Variants in RIN2 observed in about 807,000 individuals in gnomAD.
RIN2 encodes the protein RAB5 interacting protein 2.
Under a neutral mutation model 78.0 loss-of-function variants are expected in RIN2, and 36 were observed. The observed-to-expected ratio is 0.46, with a 90% confidence interval of 0.35 to 0.61. The LOEUF (loss-of-function observed/expected upper bound fraction) is 0.61. Ranked by LOEUF, RIN2 falls within the 20% of genes least tolerant of loss-of-function variation. The pLI is 0.00. For synonymous variants in RIN2, 466 were observed against 466.8 expected (o/e 1.00, Z 0.02); for missense variants, 1,087 against 1,159.7 (o/e 0.94, Z 0.91).
chr20:19,957,663 C>T (rs1418965071), intron 5 of RIN2, among the ~76,000 whole-genome samples: 5 of 149,648 alleles, frequency 3.3e-5, no homozygotes, highest in African/African-American at 1.2e-4. Flanking sequence ...GGCGACAGAG[C>T]AAGAATCTGT....
intron 2 of RIN2, among the ~76,000 whole-genome samples, chr20:19,841,503 T>C (rs1418174522): frequency 6.6e-6 from 1 of 152,138 alleles, no homozygotes; most frequent in African/African-American, 2.4e-5. Flanking sequence ...GTCTCCTCTT[T>C]CCCTGCTATA....
At chr20:19,837,731 C>A (rs963178665) in intron 2 of RIN2, among the ~76,000 whole-genome samples, 21 of 87,330 alleles carry the variant, frequency 2.4e-4, no homozygotes, top group Non-Finnish European at 1.1e-4. Flanking sequence ...CCTTTTTCTC[C>A]TTGATTCTTT....
At chr20:19,811,186 G>A (rs979837886) in intron 2 of RIN2, among the ~76,000 whole-genome samples, 8 of 152,188 alleles carry the variant, frequency 5.3e-5, no homozygotes, top group African/African-American at 1.9e-4. Flanking sequence ...AGTGATTCCA[G>A]AAGGATGGAG....
At chr20:19,905,086 C>T (rs756077484) in intron 3 of RIN2, among the ~76,000 whole-genome samples, 6 of 152,154 alleles carry the variant, frequency 3.9e-5, no homozygotes, top group Non-Finnish European at 7.4e-5. Flanking sequence ...TACTCTGTCC[C>T]GTTCCCACTT....
At chr20:19,948,662 TAAAA>T (rs1472321456) in intron 4 of RIN2, among the ~76,000 whole-genome samples, 2 of 152,116 alleles carry the variant, frequency 1.3e-5, no homozygotes, top group African/African-American at 4.8e-5. Flanking sequence ...CTTTTGTTCT[TAAAA>T]AAAATCAGGC....
Position 19,910,570 on chromosome 20 carries a change from C to CT in RIN2, c.57+20928dup, listed in dbSNP as rs11476687. 5.0e-3 allele frequency among the ~76,000 whole-genome samples: 640 copies of CT among 128,076 alleles called. 4 individuals carry two copies. Among genetic ancestry groups the CT allele is most frequent in the African/African-American group, 7.6e-3 (252 of 32,944 alleles). The allele number at this position is 128,076 out of a possible 152,430, so 84.0% of individuals were successfully genotyped here. A position where few individuals can be genotyped will look rare whatever the true frequency, so the allele number is the denominator to read the frequency against. On this transcript the variant is annotated intron_variant, in intron 3 of 12. Transcript: ENST00000255006. ...TTTTTTCTCTGTGAGAGGAAGTGAA[C>CT]TTTTTTTTTTTTTTTTGAGATGGAG...
chr20:19,935,159 G>A lies in RIN2; in HGVS notation c.118G>A (p.Val40Ile), dbSNP rs561049479. The change falls in exon 4 of 13, where the codon GTC becomes ATC. Residue 40 changes from valine (V) to isoleucine (I), a missense_variant. Physicochemically the swap from Val to Ile is conservative, Grantham distance 29 (BLOSUM62 3). Transcript: ENST00000255006. ...ELKQEMVRTD[V>I]NLENGLEPAE... Reference sequence around the variant, plus strand: ...GAAACAGGAGATGGTGCGGACAGATGTCAACCTGGAAAATGGCCTGGAACC... The same window carrying A: ...GAAACAGGAGATGGTGCGGACAGATATCAACCTGGAAAATGGCCTGGAACC... 6.2e-7 allele frequency: 1 copy of A among 1,604,706 alleles called. No homozygotes were observed. The highest frequency in any genetic ancestry group is 2.2e-5 in the East Asian group (1 of 44,470).
chr20:19,810,784 C>G (rs1267000423), intron 2 of RIN2, among the ~76,000 whole-genome samples: 4 of 147,636 alleles, frequency 2.7e-5, no homozygotes, highest in Admixed American at 6.8e-5. Flanking sequence ...AGCTCTGCCT[C>G]CCGGGTTCAC....
intron 1 of RIN2, among the ~76,000 whole-genome samples, chr20:19,779,283 A>T (rs1408373134): frequency 6.6e-6 from 1 of 151,844 alleles, no homozygotes; most frequent in Admixed American, 6.6e-5. Context: ...GATACCAGGC[A>T]TTCAAAGCAC....
intron 1 of RIN2, among the ~76,000 whole-genome samples, chr20:19,780,392 G>C (rs1292894069): frequency 6.6e-6 from 1 of 152,140 alleles, no homozygotes; most frequent in African/African-American, 2.4e-5. Flanking sequence ...CCCATTCTCT[G>C]CTCAGATGTC....
chr20:19,810,276 T>C (rs959150682), intron 2 of RIN2, among the ~76,000 whole-genome samples: 1 of 147,794 alleles, frequency 6.8e-6, no homozygotes, highest in Admixed American at 6.7e-5. Flanking sequence ...GGTGTGGTGG[T>C]GCATGCCTGT....
chr20:19,949,436 C>G (rs866352306), intron 4 of RIN2, among the ~76,000 whole-genome samples: 1 of 152,332 alleles, frequency 6.6e-6, no homozygotes, highest in African/African-American at 2.4e-5. Context: ...CTGCTGCCAC[C>G]CACAGCCTAA....
intron 2 of RIN2, among the ~76,000 whole-genome samples, chr20:19,856,580 G>A (rs2037175650): frequency 1.3e-5 from 2 of 149,890 alleles, no homozygotes; most frequent in Non-Finnish European, 3.0e-5. Context: ...AGGAAGGAAA[G>A]GAAGGGAGGG....
chr20:19,936,653 G>A (rs1026991706), intron 4 of RIN2, among the ~76,000 whole-genome samples: 1 of 152,134 alleles, frequency 6.6e-6, no homozygotes, highest in African/African-American at 2.4e-5. Flanking sequence ...AACATGTGAG[G>A]GGCCCTCAAG....
chr20:19,825,366 G>A (rs2122943634), intron 2 of RIN2, among the ~76,000 whole-genome samples: 1 of 152,282 alleles, frequency 6.6e-6, no homozygotes, highest in East Asian at 1.9e-4. Flanking sequence ...TGCCATGTGT[G>A]GGCAGCTCTG....
chr20:19,800,310 A>G (rs938562971), intron 2 of RIN2, among the ~76,000 whole-genome samples: 6 of 152,220 alleles, frequency 3.9e-5, no homozygotes, highest in African/African-American at 1.4e-4. Flanking sequence ...AGTATAGGCC[A>G]CTATGGCAGA....
chr20:19,927,394 A>C (rs1239921264), intron 3 of RIN2, among the ~76,000 whole-genome samples: 1 of 151,046 alleles, frequency 6.6e-6, no homozygotes, highest in African/African-American at 2.4e-5. Flanking sequence ...ACTACAAGGC[A>C]CATGCCACCA....
chr20:19,890,094 C>A (rs888886966), intron 3 of RIN2, among the ~76,000 whole-genome samples: 1 of 151,996 alleles, frequency 6.6e-6, no homozygotes, highest in South Asian at 2.1e-4. Context: ...AAAACAGCTT[C>A]CTGGACCGCA....
At chr20:19,985,404 C>T (rs6046514) in intron 9 of RIN2, among the ~76,000 whole-genome samples, 311 of 152,304 alleles carry the variant, frequency 2.0e-3, no homozygotes, top group African/African-American at 7.0e-3. Context: ...TTGCTATGGC[C>T]TCTACCACTT....
Sources: allele counts gnomAD v4.1 joint callset (sites outside exome capture counted in the v4.1 genomes callset), GRCh38; gene constraint gnomAD v4.1.1; transcripts MANE v1.5; gene names NCBI Gene and HGNC (gene_info 2026-07-23, HGNC 2026-07-21).